The following ATP10B variants were observed in gnomAD, a reference collection of about 807,000 sequenced individuals.
ATP10B encodes phospholipid-transporting ATPase VB.
ATP10B carries 122 observed loss-of-function variants against 141.2 expected under a neutral mutation model. That is an observed-to-expected ratio of 0.86 (90% CI 0.75 to 1.00). The LOEUF is 1.00. Ranked by LOEUF, ATP10B falls within the 50% of genes least tolerant of loss-of-function variation. The pLI is 0.00. For missense variants in ATP10B, 1,876 were observed against 1,825.3 expected (o/e 1.03, Z -0.51); for synonymous variants, 685 against 692.0 (o/e 0.99, Z 0.16).
At chr5:160,787,489 G>T (rs1353225369) in intron 1 of ATP10B, among the ~76,000 whole-genome samples, 2 of 152,126 alleles carry the variant, frequency 1.3e-5, no homozygotes, top group Non-Finnish European at 2.9e-5. Flanking sequence ...GTCCAGCTAG[G>T]TTTCCATCTT....
At chr5:160,886,525 T>C in the ATP10B span, among the ~76,000 whole-genome samples, 2 of 152,132 alleles carry the variant, frequency 1.3e-5, no homozygotes, top group Non-Finnish European at 2.9e-5. Context: ...GGCACAGATT[T>C]CACAGAGCCT....
At chr5:160,643,927 G>A (rs571591534) in intron 9 of ATP10B, among the ~76,000 whole-genome samples, 1 of 152,302 alleles carries the variant, frequency 6.6e-6, no homozygotes, top group African/African-American at 2.4e-5. Flanking sequence ...GTGCAGATGG[G>A]TGATATTAAC....
intron 1 of ATP10B, among the ~76,000 whole-genome samples, chr5:160,806,631 C>T (rs1772790964): frequency 6.6e-6 from 1 of 152,210 alleles, no homozygotes; most frequent in Non-Finnish European, 1.5e-5. Flanking sequence ...CAATGATTAA[C>T]ATGGACTGAA....
chr5:160,823,001 C>CATATATATAT (rs60078265), intron 1 of ATP10B, among the ~76,000 whole-genome samples: 90 of 34,436 alleles, frequency 2.6e-3, no homozygotes, highest in African/African-American at 6.7e-3. Flanking sequence ...TATATATATA[C>CATATATATAT]ATATATATAT....
chr5:160,817,975 T>C (rs1238343977), intron 1 of ATP10B, among the ~76,000 whole-genome samples: 2 of 152,216 alleles, frequency 1.3e-5, no homozygotes, highest in Non-Finnish European at 2.9e-5. Flanking sequence ...GATCCCTTCC[T>C]TACACCTTAT....
At chr5:160,790,353 G>C (rs868646752) in intron 1 of ATP10B, among the ~76,000 whole-genome samples, 1 of 152,048 alleles carries the variant, frequency 6.6e-6, no homozygotes, top group African/African-American at 2.4e-5. Context: ...GCTATTTTAG[G>C]TCTGGCTCTG....
At chr5:160,632,460 A>G in intron 12 of ATP10B, 93 bp from the exon 13 acceptor site, 1 of 1,198,764 alleles carries the variant, frequency 8.3e-7, no homozygotes, top group Non-Finnish European at 1.2e-6. Flanking sequence ...TGGTAAGAGC[A>G]TGGGAAGGGC....
chr5:160,755,838 A>AAT (rs1181077522), intron 2 of ATP10B, among the ~76,000 whole-genome samples: 454 of 45,380 alleles, frequency 0.01, 4 homozygotes, highest in Middle Eastern at 0.042. Flanking sequence ...AAAAAAAAAA[A>AAT]ATATATATAT....
At chr5:160,766,964 T>G (rs551994022) in intron 2 of ATP10B, among the ~76,000 whole-genome samples, 40 of 152,112 alleles carry the variant, frequency 2.6e-4, no homozygotes, top group African/African-American at 8.9e-4. Context: ...CTTTGGGGGA[T>G]TTTTCAAGCT....
At chr5:160,599,036 G>C (rs1423715002) in intron 21 of ATP10B, 66 bp from the exon 22 acceptor site, 4 of 1,480,876 alleles carry the variant, frequency 2.7e-6, no homozygotes, top group Non-Finnish European at 3.7e-6. Flanking sequence ...GCTCCTGCTT[G>C]GGACCTCTGG....
chr5:160,620,718 C>T lies in ATP10B; in HGVS notation c.2045G>A (p.Ser682Asn). ...GATGTCGCCCTGGTCCCACATGCTG[C>T]TCCTGTAGCCACCGTCATCAGTGGA... ...GDSTDDGGYR[S>N]SMWDQGDILE... The change falls in exon 15 of 26, where the codon AGC becomes AAC. Residue 682 changes from serine to asparagine, a missense_variant. By Grantham distance (46) the Ser-to-Asn change is conservative. Coordinates refer to ENST00000327245, the MANE Select transcript of ATP10B (RefSeq NM_025153.3). 6.2e-7 allele frequency: 1 copy of T among 1,614,204 alleles called. No individual in the cohort carries two copies. The highest frequency in any genetic ancestry group is 8.5e-7 in the Non-Finnish European group (1 of 1,180,026).
At chr5:160,847,162 C>T (rs537206261) in intron 1 of ATP10B, among the ~76,000 whole-genome samples, 2 of 152,162 alleles carry the variant, frequency 1.3e-5, no homozygotes, top group Non-Finnish European at 2.9e-5. Context: ...CTCTGTCTTA[C>T]ATGCTAATTT....
intron 24 of ATP10B, among the ~76,000 whole-genome samples, chr5:160,580,929 T>G (rs1252485501): frequency 2.0e-5 from 3 of 152,240 alleles, no homozygotes; most frequent in Non-Finnish European, 4.4e-5. Context: ...CTTCTTGATT[T>G]TCCAGTACAT....
At chr5:160,799,245 A>G (rs1327318310) in intron 1 of ATP10B, among the ~76,000 whole-genome samples, 2 of 152,144 alleles carry the variant, frequency 1.3e-5, no homozygotes, top group African/African-American at 4.8e-5. Context: ...AGTGTCCTCC[A>G]CCATGTAACT....
At chr5:160,582,493 T>C (rs1355849812) in intron 24 of ATP10B, among the ~76,000 whole-genome samples, 1 of 152,196 alleles carries the variant, frequency 6.6e-6, no homozygotes, top group Admixed American at 6.5e-5. Context: ...GCTTGTAGGA[T>C]TTTTACAGAG....
At chr5:160,618,311 G>A (rs926836020) in intron 15 of ATP10B, among the ~76,000 whole-genome samples, 5 of 152,238 alleles carry the variant, frequency 3.3e-5, no homozygotes, top group Non-Finnish European at 5.9e-5. Context: ...CTCAGGTCCA[G>A]TTAAAGCCCA....
intron 24 of ATP10B, among the ~76,000 whole-genome samples, chr5:160,586,412 A>G (rs1755902029): frequency 6.6e-6 from 1 of 152,144 alleles, no homozygotes; most frequent in African/African-American, 2.4e-5. Context: ...TGTCTTTGCT[A>G]TTGTAAATAG....
At chr5:160,622,673 C>A in intron 13 of ATP10B, 88 bp from the exon 14 acceptor site, 1 of 1,232,304 alleles carries the variant, frequency 8.1e-7, no homozygotes, top group Non-Finnish European at 1.1e-6. Context: ...AAGGATGATG[C>A]AGCTTCATTG....
chr5:160,615,504 G>C (rs958579115), intron 17 of ATP10B, among the ~76,000 whole-genome samples: 6 of 151,620 alleles, frequency 4.0e-5, no homozygotes, highest in African/African-American at 1.5e-4. Context: ...CCTGTCCCTT[G>C]TTGCAGCCCC....
Sources: allele counts gnomAD v4.1 joint callset (sites outside exome capture counted in the v4.1 genomes callset), GRCh38; gene constraint gnomAD v4.1.1; transcripts MANE v1.5; gene names NCBI Gene and HGNC (gene_info 2026-07-23, HGNC 2026-07-21).